GLYATL2: variants seen among roughly 807,000 people sequenced by gnomAD.
GLYATL2 encodes the protein glycine N-acyltransferase-like protein 2.
A neutral mutation model predicts 21.4 loss-of-function variants in GLYATL2; 25 were observed. The observed-to-expected ratio is 1.17, with a 90% CI of 0.85 to 1.63. GLYATL2 has a LOEUF of 1.63. Ranked by LOEUF, GLYATL2 falls within the 40% of genes most tolerant of loss-of-function variation. The pLI is 0.00. For synonymous variants in GLYATL2, 114 were observed against 118.2 expected (o/e 0.96, Z 0.23); for missense variants, 361 against 343.3 (o/e 1.05, Z -0.41).
intron 1 of GLYATL2, among the ~76,000 whole-genome samples, chr11:58,883,383 G>A (rs573679603): frequency 7.9e-5 from 12 of 152,210 alleles, no homozygotes; most frequent in African/African-American, 2.9e-4. Context: ...TGATAAAGGG[G>A]ATATCACCAC....
chr11:58,894,476 C>CAAAAA (rs1554980634), intron 1 of GLYATL2, among the ~76,000 whole-genome samples: 1,271 of 112,702 alleles, frequency 0.011, 9 homozygotes, highest in Middle Eastern at 0.014. Context: ...GCAGCTATAG[C>CAAAAA]AAAAAAAAAA....
rs554845657 is a variant in GLYATL2, at chr11:58,883,514, C to G, written n.60+20642G>C. On this transcript the variant is annotated intron_variant and non_coding_transcript_variant, in intron 1 of 4. Transcript: ENST00000533636. Reference sequence around the variant, plus strand: ...CACATACACCCTCCCAAGACTAAACCAAGAAGAAGTTGAATCCCTGAATAG... The same window carrying G: ...CACATACACCCTCCCAAGACTAAACGAAGAAGAAGTTGAATCCCTGAATAG... Among the ~76,000 whole-genome samples, 523 of 152,092 alleles carry G rather than the reference C, an allele frequency of 3.4e-3. 4 individuals are homozygous for G. The highest frequency in any genetic ancestry group is 0.02 in the Middle Eastern group (6 of 294).
Position 58,834,354 on chromosome 11 carries a change from G to A in GLYATL2, c.*75C>T. 5 of 1,224,598 alleles carry A rather than the reference G, an allele frequency of 4.1e-6. No homozygotes were observed. The South Asian group carries it at 7.5e-5, about 18-fold the overall frequency. The allele number at this position is 1,224,598 out of a possible 1,614,324, so 75.9% of individuals were successfully genotyped here. A position where few individuals can be genotyped will look rare whatever the true frequency, so the allele number is the denominator to read the frequency against. On this transcript the variant is annotated 3_prime_UTR_variant, in exon 6 of 6. Transcript: ENST00000287275. ...ATAATCAGTTGCATTTTGTGCTAAT[G>A]TAGATCACAATGCTTGTGTTTGAAT...
intron 1 of GLYATL2, among the ~76,000 whole-genome samples, chr11:58,855,042 A>G (rs1367974385): frequency 6.6e-6 from 1 of 152,218 alleles, no homozygotes; most frequent in African/African-American, 2.4e-5. Flanking sequence ...CTTCAAAGTT[A>G]TCTGCAAGGA....
At chr11:58,897,539 C>T (rs1334316971) in intron 1 of GLYATL2, among the ~76,000 whole-genome samples, 1 of 151,984 alleles carries the variant, frequency 6.6e-6, no homozygotes, top group African/African-American at 2.4e-5. Context: ...TCCCACCTGC[C>T]CCAACCAACA....
At chr11:58,871,501 T>A (rs1274046429) in intron 1 of GLYATL2, among the ~76,000 whole-genome samples, 2 of 149,756 alleles carry the variant, frequency 1.3e-5, no homozygotes, top group Non-Finnish European at 3.0e-5. Context: ...TTCTCATTGT[T>A]CAATTCCCAC....
At chr11:58,893,766 C>G (rs557069506) in intron 1 of GLYATL2, among the ~76,000 whole-genome samples, 1 of 152,206 alleles carries the variant, frequency 6.6e-6, no homozygotes, top group East Asian at 1.9e-4. Context: ...AATCAGAACT[C>G]TTTATGAAAC....
chr11:58,839,871 A>T (rs993949647), intron 1 of GLYATL2, among the ~76,000 whole-genome samples: 12 of 100,190 alleles, frequency 1.2e-4, no homozygotes, highest in African/African-American at 4.5e-4. Context: ...AATTCCACTT[A>T]AAAAGTACAT....
upstream of GLYATL2, chr11:58,905,291 C>T: frequency 2.7e-6 from 1 of 375,254 alleles, no homozygotes; most frequent in South Asian, 2.0e-5. Flanking sequence ...AGACCTCACG[C>T]AGACGCGGGT....
upstream of GLYATL2, among the ~76,000 whole-genome samples, chr11:58,846,473 C>G (rs770307778): frequency 6.6e-6 from 1 of 152,098 alleles, no homozygotes; most frequent in African/African-American, 2.4e-5. Context: ...CCCCATCCCT[C>G]CCAACCTCAG....
At chr11:58,844,401 G>A (rs1853606178) in intron 1 of GLYATL2, 33 bp downstream of exon 1, 1 of 152,168 alleles carries the variant, frequency 6.6e-6, no homozygotes, top group Non-Finnish European at 1.5e-5. Flanking sequence ...GAACTGCCAA[G>A]ATAAAAAGGC....
intron 1 of GLYATL2, among the ~76,000 whole-genome samples, chr11:58,855,780 T>A (rs1329545430): frequency 3.3e-5 from 5 of 152,236 alleles, no homozygotes; most frequent in Admixed American, 6.5e-5. Flanking sequence ...TTCTGGATAA[T>A]CTTTTACAAT....
At chr11:58,854,002 G>A (rs190932890) in intron 1 of GLYATL2, among the ~76,000 whole-genome samples, 1 of 152,166 alleles carries the variant, frequency 6.6e-6, no homozygotes, top group Admixed American at 6.5e-5. Context: ...TATACTCTCT[G>A]CTTCTATGAA....
upstream of GLYATL2, among the ~76,000 whole-genome samples, chr11:58,905,979 C>T (rs1854868184): frequency 6.6e-6 from 1 of 152,234 alleles, no homozygotes; most frequent in Non-Finnish European, 1.5e-5. Context: ...AGGCTCCCTC[C>T]CGCGCGCCAG....
intron 1 of GLYATL2, among the ~76,000 whole-genome samples, chr11:58,859,287 C>T (rs1164650263): frequency 1.3e-5 from 2 of 151,562 alleles, no homozygotes. Context: ...TAGGGAATAC[C>T]TGGATTCCCC....
At chr11:58,843,954 T>C (rs1853597534) in intron 1 of GLYATL2, among the ~76,000 whole-genome samples, 2 of 152,144 alleles carry the variant, frequency 1.3e-5, no homozygotes, top group Admixed American at 1.3e-4. Flanking sequence ...TTGCCAAATG[T>C]TTCAATGAAT....
intron 1 of GLYATL2, among the ~76,000 whole-genome samples, chr11:58,864,664 CTTCAA>C (rs1243579566): frequency 6.7e-6 from 1 of 149,214 alleles, no homozygotes; most frequent in Admixed American, 6.9e-5. Flanking sequence ...TTCCTATGCT[CTTCAA>C]TTCATCTTTT....
chr11:58,895,783 A>G (rs902333930), intron 1 of GLYATL2, among the ~76,000 whole-genome samples: 4 of 152,050 alleles, frequency 2.6e-5, no homozygotes, highest in Non-Finnish European at 5.9e-5. Flanking sequence ...AAAAGCTTGC[A>G]TAAGTAAATG....
chr11:58,887,804 C>T (rs918814441), intron 1 of GLYATL2, among the ~76,000 whole-genome samples: 4 of 152,152 alleles, frequency 2.6e-5, no homozygotes, highest in Admixed American at 1.3e-4. Flanking sequence ...AATAAACATC[C>T]TTGTATACAT....
Sources: gnomAD v4.1 joint callset for allele counts (sites outside exome capture counted in the v4.1 genomes callset) on GRCh38, gnomAD v4.1.1 for gene constraint, MANE v1.5 for transcripts, NCBI Gene and HGNC (gene_info 2026-07-23, HGNC 2026-07-21) for gene names.